ARHGAP42: variants seen among roughly 807,000 people sequenced by gnomAD.
ARHGAP42 encodes the protein rho GTPase-activating protein 42.
Under a neutral mutation model 125.0 loss-of-function variants are expected in ARHGAP42, and 63 were observed. The observed-to-expected ratio is 0.50, with a 90% confidence interval of 0.41 to 0.62. The LOEUF is 0.62. ARHGAP42 is among the 20% of genes least tolerant of loss of function. The probability of loss-of-function intolerance (pLI) is 0.00; values close to 1 mark genes in which losing one functional copy is unlikely to be tolerated. For missense variants in ARHGAP42, 766 were observed against 1,024.2 expected (o/e 0.75, Z 3.44); for synonymous variants, 339 against 351.0 (o/e 0.97, Z 0.38).
chr11:100,789,171 C>G (rs1863504868), intron 2 of ARHGAP42, among the ~76,000 whole-genome samples: 1 of 152,198 alleles, frequency 6.6e-6, no homozygotes, highest in Non-Finnish European at 1.5e-5. Flanking sequence ...ACAGAGCCTA[C>G]ACTGTCATCC....
rs182404306 is a variant in ARHGAP42 at position 100,799,345 on chromosome 11, A to T, written c.312+4179A>T. On this transcript the variant is annotated intron_variant, in intron 3 of 23. Coordinates refer to ENST00000298815, the MANE Select transcript of ARHGAP42 (RefSeq NM_152432.4). Reference sequence around the variant, plus strand: ...GTGACCTGTACTACTAGAAATGTGTATACTTTTATGGGAGACTGACGTTTT... The same window carrying T: ...GTGACCTGTACTACTAGAAATGTGTTTACTTTTATGGGAGACTGACGTTTT... Among the ~76,000 whole-genome samples, 254 of 152,300 alleles carry T rather than the reference A, an allele frequency of 1.7e-3. 2 individuals carry two copies. The highest frequency in any genetic ancestry group is 3.0e-3 in the Non-Finnish European group (207 of 68,016).
chr11:100,721,403 A>G (rs1304979464), intron 1 of ARHGAP42, among the ~76,000 whole-genome samples: 1 of 151,906 alleles, frequency 6.6e-6, no homozygotes, highest in African/African-American at 2.4e-5. Context: ...GACTTCTTTC[A>G]CTTAGCAATA....
chr11:100,821,978 T>G (rs771883968), intron 3 of ARHGAP42, among the ~76,000 whole-genome samples: 13 of 152,146 alleles, frequency 8.5e-5, no homozygotes, highest in South Asian at 6.2e-4. Context: ...AGAATACTGC[T>G]GCTGATGGTG....
At chr11:100,877,200 A>AG (rs1174366750) in intron 4 of ARHGAP42, among the ~76,000 whole-genome samples, 1 of 152,224 alleles carries the variant, frequency 6.6e-6, no homozygotes, top group Non-Finnish European at 1.5e-5. Flanking sequence ...TTGATGTTCT[A>AG]GGAAGTAAAT....
chr11:100,716,801 C>T (rs941610639), intron 1 of ARHGAP42, among the ~76,000 whole-genome samples: 14 of 151,978 alleles, frequency 9.2e-5, no homozygotes, highest in African/African-American at 1.5e-4. Context: ...CCTCTGACCC[C>T]CTTTAAATTA....
In ARHGAP42 at chr11:100,992,721, T is replaced by A; in HGVS notation, c.*3920T>A. On this transcript the variant is annotated 3_prime_UTR_variant, in exon 24 of 24. Coordinates refer to ENST00000298815, the MANE Select transcript of ARHGAP42 (RefSeq NM_152432.4). ...TGATGTGGACTTTTAGAGGATCAAATCAATAAATTGGATTTTTTATTTTTT... is the reference window on the plus strand; with the variant it reads ...TGATGTGGACTTTTAGAGGATCAAAACAATAAATTGGATTTTTTATTTTTT... 6.5e-7 allele frequency: 1 copy of A among 1,536,114 alleles called. No individual in the cohort carries two copies. Among genetic ancestry groups the A allele is most frequent in the Non-Finnish European group, 8.7e-7 (1 of 1,145,598 alleles).
chr11:100,808,381 A>G (rs898901851), intron 3 of ARHGAP42, among the ~76,000 whole-genome samples: 4 of 151,132 alleles, frequency 2.6e-5, no homozygotes, highest in African/African-American at 7.3e-5. Flanking sequence ...TTTTGGGATA[A>G]TTATAAATTC....
intron 1 of ARHGAP42, among the ~76,000 whole-genome samples, chr11:100,745,720 G>A (rs563334442): frequency 9.2e-5 from 14 of 152,198 alleles, no homozygotes; most frequent in South Asian, 2.1e-4. Context: ...TGCTAATATC[G>A]TGTCTAAGGC....
intron 2 of ARHGAP42, among the ~76,000 whole-genome samples, chr11:100,786,230 C>A (rs2135018676): frequency 6.6e-6 from 1 of 152,260 alleles, no homozygotes; most frequent in Non-Finnish European, 1.5e-5. Context: ...CAGAATTGCA[C>A]AGGTCCTCAT....
At chr11:100,826,072 T>TC (rs1439148818) in intron 3 of ARHGAP42, among the ~76,000 whole-genome samples, 5 of 151,474 alleles carry the variant, frequency 3.3e-5, no homozygotes, top group African/African-American at 1.2e-4. Context: ...GCTGTTTTTT[T>TC]TCTCTCTCTC....
At chr11:100,827,924 T>A (rs1308658385) in intron 3 of ARHGAP42, among the ~76,000 whole-genome samples, 4 of 152,190 alleles carry the variant, frequency 2.6e-5, no homozygotes, top group Non-Finnish European at 5.9e-5. Context: ...ACATAGGTTC[T>A]CTCCTTCACC....
chr11:100,865,022 C>T (rs771898836), intron 4 of ARHGAP42, among the ~76,000 whole-genome samples: 36 of 151,928 alleles, frequency 2.4e-4, no homozygotes, highest in Non-Finnish European at 2.5e-4. Flanking sequence ...TTTAATAAGA[C>T]GTTAATAAAA....
intron 4 of ARHGAP42, among the ~76,000 whole-genome samples, chr11:100,872,987 C>T (rs1259703239): frequency 6.6e-6 from 1 of 151,912 alleles, no homozygotes. Context: ...TGAAGTATGC[C>T]CATCATATTT....
At position 100,992,174 on chromosome 11, in the gene ARHGAP42, G is replaced by T. The variant is rs1308069516; in HGVS notation, c.*3373G>T. 22 of 917,264 alleles carry T rather than the reference G, an allele frequency of 2.4e-5. No individual in the cohort carries two copies. The Admixed American group carries it at 6.4e-4, about 27-fold the overall frequency. The allele number at this position is 917,264 out of a possible 1,614,324, so 56.8% of individuals were successfully genotyped here. On this transcript the variant is annotated 3_prime_UTR_variant, in exon 24 of 24. Transcript: ENST00000298815. ...AAATTGTAGTGATACCTTAAATCAT[G>T]TATTCAGGATGCCTTCTTTAGCATT... is the stretch of plus-strand genomic sequence containing the variant.
At chr11:100,810,521 C>T (rs1864110855) in intron 3 of ARHGAP42, among the ~76,000 whole-genome samples, 1 of 152,170 alleles carries the variant, frequency 6.6e-6, no homozygotes, top group Non-Finnish European at 1.5e-5. Flanking sequence ...ACAGCAGATA[C>T]ACTGCTATTT....
At chr11:100,689,183 G>A (rs1861144019) in intron 1 of ARHGAP42, among the ~76,000 whole-genome samples, 2 of 152,128 alleles carry the variant, frequency 1.3e-5, no homozygotes, top group African/African-American at 2.4e-5. Context: ...CTGAATTTGA[G>A]GCTACTACTA....
chr11:100,800,672 T>A (rs1863829353), intron 3 of ARHGAP42, among the ~76,000 whole-genome samples: 1 of 152,190 alleles, frequency 6.6e-6, no homozygotes, highest in Non-Finnish European at 1.5e-5. Flanking sequence ...ATGTTTCTGT[T>A]TTTGGGGCAG....
intron 1 of ARHGAP42, among the ~76,000 whole-genome samples, chr11:100,733,973 C>T (rs1197957037): frequency 4.6e-5 from 6 of 131,778 alleles, no homozygotes; most frequent in South Asian, 2.8e-4. Context: ...CTAGCTCTGT[C>T]GCCCAGGCTG....
Position 100,976,251 on chromosome 11 carries a change from C to G in ARHGAP42, c.2050C>G (p.Pro684Ala). The G allele has an allele frequency of 6.4e-7, 1 of 1,551,642 alleles. No homozygotes were observed. The highest frequency in any genetic ancestry group is 8.7e-7 in the Non-Finnish European group (1 of 1,146,912). Reference sequence around the variant, plus strand: ...AAGCCTTGGTCTGTGGACAACTAGTCCTGAATCAAGTTCCAGAGAAGATGC... The same window carrying G: ...AAGCCTTGGTCTGTGGACAACTAGTGCTGAATCAAGTTCCAGAGAAGATGC... ...QKSLGLWTTS[P>A]ESSSREDATK... Residue 684 changes from proline (P) to alanine (A), a missense_variant, in exon 20 of 24, where the codon CCT (proline) becomes GCT (alanine). Physicochemically the swap from Pro to Ala is conservative, Grantham distance 27. Around this residue, in one of 3 missense-constraint regions of ARHGAP42, gnomAD observed 308 missense variants for 369.7 expected, o/e 0.83. Transcript: ENST00000298815.
Sources: allele counts gnomAD v4.1 joint callset (sites outside exome capture counted in the v4.1 genomes callset), GRCh38; gene constraint gnomAD v4.1.1; regional missense constraint gnomAD v4.1.1; transcripts MANE v1.5; gene names NCBI Gene and HGNC (gene_info 2026-07-23, HGNC 2026-07-21).